Variants in ADGRG7 observed in about 807,000 individuals in gnomAD.
The protein encoded by ADGRG7 is adhesion G protein-coupled receptor G7, also known as G-protein coupled receptor 128.
Under a neutral mutation model 88.6 loss-of-function variants are expected in ADGRG7, and 82 were observed. The observed-to-expected ratio is 0.93, with a 90% CI of 0.77 to 1.11. The LOEUF (loss-of-function observed/expected upper bound fraction) is 1.11. Ranked by LOEUF, ADGRG7 falls within the 50% of genes most tolerant of loss-of-function variation. The pLI is 0.00. For synonymous variants in ADGRG7, 381 were observed against 345.2 expected (o/e 1.10, Z -1.15); for missense variants, 945 against 953.4 (o/e 0.99, Z 0.12).
intron 12 of ADGRG7, 28 bp downstream of exon 12, chr3:100,655,209 G>A (rs1265841443): frequency 6.8e-7 from 1 of 1,479,278 alleles, no homozygotes; most frequent in East Asian, 2.3e-5. Flanking sequence ...CCCTTTCTCA[G>A]GAATTTAATT....
At chr3:100,688,374 C>T (rs1404047662) in intron 15 of ADGRG7, among the ~76,000 whole-genome samples, 1 of 152,148 alleles carries the variant, frequency 6.6e-6, no homozygotes, top group Non-Finnish European at 1.5e-5. Context: ...GTCTCTGTTT[C>T]CTTCAGTTCT....
intron 13 of ADGRG7, among the ~76,000 whole-genome samples, chr3:100,656,776 G>A (rs551575164): frequency 1.6e-5 from 1 of 62,162 alleles, no homozygotes; most frequent in African/African-American, 4.6e-5. Flanking sequence ...CCAAAGGAAG[G>A]CTGTGGTGTC....
intron 14 of ADGRG7, among the ~76,000 whole-genome samples, chr3:100,660,959 A>G (rs2094944529): frequency 6.6e-6 from 1 of 152,040 alleles, no homozygotes; most frequent in Admixed American, 6.5e-5. Flanking sequence ...TCTCAAAAAA[A>G]AAAAAAAAGA....
chr3:100,645,311 A>G (rs545285539), intron 8 of ADGRG7, among the ~76,000 whole-genome samples: 21 of 152,286 alleles, frequency 1.4e-4, no homozygotes, highest in Non-Finnish European at 2.4e-4. Flanking sequence ...CCTTTTTCCA[A>G]TGTCCAGAAG....
At chr3:100,643,206 C>T (rs1328217719) in intron 6 of ADGRG7, 60 bp from the exon 7 acceptor site, 30 of 1,484,082 alleles carry the variant, frequency 2.0e-5, no homozygotes, top group Non-Finnish European at 2.8e-5. Context: ...TAAGACAGAA[C>T]ACATACCTTT....
At chr3:100,621,983 C>T (rs9821668) in intron 1 of ADGRG7, among the ~76,000 whole-genome samples, 1,669 of 152,286 alleles carry the variant, frequency 0.011, 26 homozygotes, top group African/African-American at 0.038. Context: ...ACTCTCATAA[C>T]GAGCGTGCAA....
intron 14 of ADGRG7, among the ~76,000 whole-genome samples, chr3:100,667,703 T>C (rs749751692): frequency 1.2e-4 from 18 of 152,198 alleles, no homozygotes; most frequent in Non-Finnish European, 2.6e-4. Context: ...GTAATGGGAT[T>C]GCTGGGTCAA....
At chr3:100,643,472 G>T in intron 7 of ADGRG7, 54 bp from the exon 8 acceptor site, 1 of 1,607,798 alleles carries the variant, frequency 6.2e-7, no homozygotes. Context: ...GAATAATAAT[G>T]CTCTACTCAT....
chr3:100,688,988 C>G (rs930709200), intron 15 of ADGRG7, among the ~76,000 whole-genome samples: 1 of 152,150 alleles, frequency 6.6e-6, no homozygotes, highest in Non-Finnish European at 1.5e-5. Context: ...GTTAAAATCT[C>G]CCGTTATTAT....
intron 14 of ADGRG7, among the ~76,000 whole-genome samples, chr3:100,661,028 C>T (rs186381579): frequency 2.3e-4 from 35 of 152,094 alleles, no homozygotes; most frequent in African/African-American, 5.3e-4. Flanking sequence ...ACATTCCCTG[C>T]GGGGGTCATG....
intron 14 of ADGRG7, among the ~76,000 whole-genome samples, chr3:100,668,344 T>G (rs1393068082): frequency 1.3e-5 from 2 of 152,358 alleles, no homozygotes; most frequent in Admixed American, 1.3e-4. Flanking sequence ...GTCTCTCATC[T>G]GCCATTAAAC....
intron 1 of ADGRG7, among the ~76,000 whole-genome samples, chr3:100,624,251 T>A (rs1295042868): frequency 6.6e-6 from 1 of 152,224 alleles, no homozygotes; most frequent in African/African-American, 2.4e-5. Context: ...TGAAATGATA[T>A]CTCTTTGCGG....
intron 1 of ADGRG7, among the ~76,000 whole-genome samples, chr3:100,625,399 T>G (rs1707367786): frequency 6.6e-6 from 1 of 152,198 alleles, no homozygotes; most frequent in African/African-American, 2.4e-5. Context: ...TCCTGAGACT[T>G]AGCTGAAATT....
At chr3:100,674,471 A>G (rs1000394156) in intron 15 of ADGRG7, among the ~76,000 whole-genome samples, 1 of 151,954 alleles carries the variant, frequency 6.6e-6, no homozygotes, top group Non-Finnish European at 1.5e-5. Flanking sequence ...GGTTGCATGC[A>G]GGTTTTATAG....
intron 15 of ADGRG7, among the ~76,000 whole-genome samples, chr3:100,678,747 A>T (rs115168125): frequency 7.9e-5 from 12 of 152,214 alleles, no homozygotes; most frequent in African/African-American, 2.7e-4. Context: ...GGAGAATTGC[A>T]TGGATTATGA....
rs887366222 is a variant in ADGRG7 at position 100,637,201 on chromosome 3, C to T, written c.598-101C>T. 3.9e-6 allele frequency: 3 copies of T among 777,416 alleles called. No individual in the cohort carries two copies. The African/African-American group carries it at 5.2e-5, about 14-fold the overall frequency. The allele number at this position is 777,416 out of a possible 1,614,324, so 48.2% of individuals were successfully genotyped here. ...AATGCTTCCCTCTACATTATCATAT[C>T]AGTGATGCCACTTGCTACTACAATG... On this transcript the variant is annotated intron_variant, in intron 5 of 15. Coordinates refer to ENST00000273352, the MANE Select transcript of ADGRG7 (RefSeq NM_032787.3).
chr3:100,655,983 G>A lies in ADGRG7; in HGVS notation c.1811G>A (p.Arg604Gln), dbSNP rs145452445. 29 of 1,600,406 alleles carry A rather than the reference G, an allele frequency of 1.8e-5. No homozygotes were observed. Among genetic ancestry groups the A allele is most frequent in the Admixed American group, 6.7e-5 (4 of 59,984 alleles). Residue 604 changes from arginine to glutamine, a missense_variant, in exon 13 of 16, where the codon CGG (arginine) becomes CAG (glutamine). Arg to Gln is a conservative substitution (Grantham distance 43). Transcript: ENST00000273352. ...AATCCACAGTGGGAATTAGACTACC[G>A]GCAAGAGAAAATGTGAGTTTATATT... ...GNNPQWELDYRQEKICWLAIP... is the reference protein window; with the variant it reads ...GNNPQWELDYQQEKICWLAIP...
At chr3:100,658,726 C>T (rs1203519076) in intron 13 of ADGRG7, among the ~76,000 whole-genome samples, 1 of 152,172 alleles carries the variant, frequency 6.6e-6, no homozygotes, top group East Asian at 1.9e-4. Flanking sequence ...CACACATATA[C>T]ACGGTAATTT....
intron 2 of ADGRG7, 33 bp from the exon 3 acceptor site, chr3:100,630,672 T>C: frequency 9.5e-7 from 1 of 1,047,692 alleles, no homozygotes; most frequent in Non-Finnish European, 1.3e-6. Flanking sequence ...TAAAATACAA[T>C]TTATAATAAA....
Sources: gnomAD v4.1 joint callset for allele counts (sites outside exome capture counted in the v4.1 genomes callset) on GRCh38, gnomAD v4.1.1 for gene constraint, MANE v1.5 for transcripts, NCBI Gene and HGNC (gene_info 2026-07-23, HGNC 2026-07-21) for gene names.